CEP63: variants seen among roughly 807,000 people sequenced by gnomAD.
CEP63 encodes centrosomal protein 63.
A neutral mutation model predicts 89.1 loss-of-function variants in CEP63; 84 were observed. That is an observed-to-expected ratio of 0.94 (90% confidence interval 0.79 to 1.13). CEP63 has a LOEUF of 1.13. CEP63 is among the 50% of genes most tolerant of loss of function. The pLI, the probability that CEP63 is intolerant of heterozygous loss-of-function variation, is 0.00. For missense variants in CEP63, 838 were observed against 813.3 expected (o/e 1.03, Z -0.37); for synonymous variants, 267 against 272.5 (o/e 0.98, Z 0.20).
At chr3:134,768,838 C>T in the CEP63 span, among the ~76,000 whole-genome samples, 17 of 152,170 alleles carry the variant, frequency 1.1e-4, no homozygotes, top group Middle Eastern at 3.2e-3. Context: ...CCAGACTTGG[C>T]CGGGTGGGCC....
chr3:134,507,086 T>C, intron 2 of CEP63, 23 bp from the exon 3 acceptor site: 1 of 1,605,190 alleles, frequency 6.2e-7, no homozygotes, highest in Non-Finnish European at 8.5e-7. Flanking sequence ...TCTGTTTTTT[T>C]AATGATCTGT....
At chr3:134,779,968 CA>C in the CEP63 span, 1 of 152,172 alleles carries the variant, frequency 6.6e-6, no homozygotes, top group African/African-American at 2.4e-5. Flanking sequence ...TAAAGAAGCA[CA>C]TGTTAAACTT....
At chr3:134,662,830 A>C in the CEP63 span, among the ~76,000 whole-genome samples, 1 of 152,222 alleles carries the variant, frequency 6.6e-6, no homozygotes, top group Non-Finnish European at 1.5e-5. Flanking sequence ...GGGCATGCAC[A>C]GCTATTGGAG....
chr3:134,583,417 C>T (rs1958409270), intron 10 of CEP63, among the ~76,000 whole-genome samples: 1 of 152,138 alleles, frequency 6.6e-6, no homozygotes, highest in Non-Finnish European at 1.5e-5. Flanking sequence ...GTTTTCCCAG[C>T]ACCATTTATT....
At chr3:134,715,525 T>G in the CEP63 span, among the ~76,000 whole-genome samples, 1 of 21,710 alleles carries the variant, frequency 4.6e-5, no homozygotes, top group Non-Finnish European at 9.1e-5. Context: ...GTTTTTTTTT[T>G]TTGTTTTTTT....
the CEP63 span, among the ~76,000 whole-genome samples, chr3:134,723,386 T>G: frequency 2.0e-5 from 3 of 152,180 alleles, no homozygotes; most frequent in Admixed American, 1.3e-4. Context: ...AGAACATACT[T>G]CTAGTCCTCT....
chr3:134,736,174 G>A, the CEP63 span, among the ~76,000 whole-genome samples: 32 of 152,094 alleles, frequency 2.1e-4, no homozygotes, highest in Admixed American at 7.2e-4. Flanking sequence ...ATCATCATGC[G>A]TATATTAAAA....
At chr3:134,512,997 A>C (rs1945347449) in intron 3 of CEP63, among the ~76,000 whole-genome samples, 2 of 152,196 alleles carry the variant, frequency 1.3e-5, no homozygotes, top group Admixed American at 1.3e-4. Flanking sequence ...TCTCTGACAC[A>C]GGTGTAAATC....
the CEP63 span, among the ~76,000 whole-genome samples, chr3:134,745,460 G>A: frequency 6.6e-6 from 1 of 152,046 alleles, no homozygotes; most frequent in Non-Finnish European, 1.5e-5. Flanking sequence ...ATCCATTATG[G>A]GAAAGATACT....
intron 6 of CEP63, among the ~76,000 whole-genome samples, chr3:134,541,431 TACTG>T (rs1199290763): frequency 6.6e-6 from 1 of 152,088 alleles, no homozygotes; most frequent in Admixed American, 6.5e-5. Flanking sequence ...TTATATAATT[TACTG>T]ACTATTACAT....
the CEP63 span, among the ~76,000 whole-genome samples, chr3:134,686,745 T>A: frequency 6.6e-6 from 1 of 152,220 alleles, no homozygotes. Flanking sequence ...CGGTGCTTAG[T>A]GCTTTGTTTG....
chr3:134,659,204 G>A, the CEP63 span, among the ~76,000 whole-genome samples: 1 of 152,170 alleles, frequency 6.6e-6, no homozygotes, highest in Non-Finnish European at 1.5e-5. Context: ...GAGGTATCCA[G>A]TGGCACATGA....
chr3:134,507,589 A>G (rs974570320), intron 3 of CEP63, among the ~76,000 whole-genome samples: 1 of 152,214 alleles, frequency 6.6e-6, no homozygotes, highest in African/African-American at 2.4e-5. Flanking sequence ...TGTTTATATT[A>G]ACATTCACTG....
chr3:134,768,196 G>A, the CEP63 span, among the ~76,000 whole-genome samples: 3 of 152,150 alleles, frequency 2.0e-5, no homozygotes, highest in Non-Finnish European at 4.4e-5. Flanking sequence ...GAAATAGGCA[G>A]GGACATGATC....
At chr3:134,668,462 T>C in the CEP63 span, among the ~76,000 whole-genome samples, 6 of 152,148 alleles carry the variant, frequency 3.9e-5, no homozygotes, top group Admixed American at 2.0e-4. Context: ...TGTGAGCTGC[T>C]CAGGAGGGGA....
chr3:134,620,926 AC>A, the CEP63 span: 1 of 908,464 alleles, frequency 1.1e-6, no homozygotes, highest in Non-Finnish European at 1.8e-6. Context: ...AGCATCTTGC[AC>A]CTACAGCCAG....
the CEP63 span, among the ~76,000 whole-genome samples, chr3:134,704,902 A>G: frequency 6.6e-6 from 1 of 152,230 alleles, no homozygotes; most frequent in Admixed American, 6.5e-5. Flanking sequence ...AACTAGACCT[A>G]CAGAAGCAGA....
At chr3:134,489,445 G>A (rs1245742446) in intron 1 of CEP63, among the ~76,000 whole-genome samples, 3 of 152,126 alleles carry the variant, frequency 2.0e-5, no homozygotes, top group Non-Finnish European at 4.4e-5. Flanking sequence ...CAGGGAAGCA[G>A]TGTCTGAGTT....
the CEP63 span, among the ~76,000 whole-genome samples, chr3:134,611,144 C>T: frequency 6.6e-6 from 1 of 152,228 alleles, no homozygotes; most frequent in East Asian, 1.9e-4. Flanking sequence ...TCTCCTGTGG[C>T]TGTCCTGAGG....
Sources: allele counts gnomAD v4.1 joint callset (sites outside exome capture counted in the v4.1 genomes callset), GRCh38; gene constraint gnomAD v4.1.1; transcripts MANE v1.5; gene names NCBI Gene and HGNC (gene_info 2026-07-23, HGNC 2026-07-21).